The following EML6 variants were observed in gnomAD, a reference collection of about 807,000 sequenced individuals.
The protein encoded by EML6 is EMAP like 6.
A neutral mutation model predicts 240.1 loss-of-function variants in EML6; 154 were observed. That is an observed-to-expected ratio of 0.64 (90% CI 0.56 to 0.73). EML6 has a LOEUF of 0.73. EML6 is among the 30% of genes least tolerant of loss of function. EML6 has a pLI of 0.00. For synonymous variants in EML6, 1,148 were observed against 899.0 expected (o/e 1.28, Z -4.95); for missense variants, 2,964 against 2,474.6 (o/e 1.20, Z -4.20).
chr2:54,808,073 G>C (rs1409037846), intron 2 of EML6, among the ~76,000 whole-genome samples: 1 of 152,120 alleles, frequency 6.6e-6, no homozygotes, highest in East Asian at 1.9e-4. Context: ...GGGTTCTGTG[G>C]GGTTCACACA....
chr2:54,961,376 G>A (rs1475626828), intron 35 of EML6, among the ~76,000 whole-genome samples: 1 of 150,874 alleles, frequency 6.6e-6, no homozygotes, highest in Non-Finnish European at 1.5e-5. Flanking sequence ...AGTAGAGATG[G>A]GGTTTTCCCA....
At chr2:54,843,180 T>C (rs1669553330) in intron 7 of EML6, among the ~76,000 whole-genome samples, 2 of 152,224 alleles carry the variant, frequency 1.3e-5, no homozygotes, top group Admixed American at 1.3e-4. Flanking sequence ...TTTATCATCT[T>C]ATATTTACTT....
At chr2:54,928,243 A>C (rs1674660829) in intron 26 of EML6, 70 bp from the exon 27 acceptor site, 6 of 1,194,388 alleles carry the variant, frequency 5.0e-6, no homozygotes, top group Admixed American at 4.0e-5. Flanking sequence ...AGTAGAAACT[A>C]ACATGGATAA....
At chr2:54,938,518 T>A (rs1461631456) in intron 28 of EML6, among the ~76,000 whole-genome samples, 1 of 152,196 alleles carries the variant, frequency 6.6e-6, no homozygotes, top group Non-Finnish European at 1.5e-5. Flanking sequence ...ATTTTATACT[T>A]TTCTACCATC....
chr2:54,917,819 C>T (rs1022841837), intron 26 of EML6, among the ~76,000 whole-genome samples: 5 of 152,262 alleles, frequency 3.3e-5, no homozygotes, highest in Admixed American at 6.5e-5. Context: ...TTCCCATATT[C>T]GATGGCTTAC....
chr2:54,944,850 C>T (rs1396370279), intron 28 of EML6, among the ~76,000 whole-genome samples: 1 of 151,984 alleles, frequency 6.6e-6, no homozygotes, highest in East Asian at 1.9e-4. Context: ...GAGTCCAGTT[C>T]TGAAGAATGC....
Position 54,780,954 on chromosome 2 carries a change from G to T in EML6, c.198-32278G>T, listed in dbSNP as rs149264338. Among the ~76,000 whole-genome samples, 483 of 152,274 alleles carry T rather than the reference G, an allele frequency of 3.2e-3. 1 individual carries two copies. The highest frequency in any genetic ancestry group is 0.011 in the African/African-American group (454 of 41,558). On this transcript the variant is annotated intron_variant, in intron 2 of 41. Transcript: ENST00000356458. ...ATAATTCTTTGGGCGGTTAAGAAAG[G>T]AATTATTAGCTCTGGCATCCTTTAT...
intron 12 of EML6, among the ~76,000 whole-genome samples, chr2:54,862,361 A>AC (rs1670723267): frequency 6.6e-6 from 1 of 150,926 alleles, no homozygotes; most frequent in African/African-American, 2.4e-5. Flanking sequence ...AAAAAAAAAA[A>AC]AAAACTTTCT....
intron 14 of EML6, 67 bp from the exon 15 acceptor site, chr2:54,869,114 G>C: frequency 9.2e-7 from 1 of 1,084,736 alleles, no homozygotes; most frequent in Admixed American, 2.2e-5. Context: ...CCTTGCCTCT[G>C]ACACCTCCTG....
intron 2 of EML6, among the ~76,000 whole-genome samples, chr2:54,768,513 A>C (rs1244145428): frequency 6.6e-6 from 1 of 152,246 alleles, no homozygotes; most frequent in African/African-American, 2.4e-5. Flanking sequence ...GTTTATTTAC[A>C]TTCAATGGAT....
chr2:54,914,148 C>T (rs554360642), intron 25 of EML6, among the ~76,000 whole-genome samples: 8 of 152,240 alleles, frequency 5.3e-5, no homozygotes, highest in African/African-American at 1.9e-4. Context: ...TTTTTTGGCT[C>T]CATATGAATT....
chr2:54,903,563 A>C, intron 24 of EML6, 61 bp downstream of exon 24: 1 of 1,267,826 alleles, frequency 7.9e-7, no homozygotes, highest in Admixed American at 2.6e-5. Context: ...CCATTTATGC[A>C]TTGTTTCTAG....
chr2:54,885,330 C>G (rs1192524067), intron 17 of EML6, among the ~76,000 whole-genome samples: 1 of 151,806 alleles, frequency 6.6e-6, no homozygotes, highest in East Asian at 2.0e-4. Flanking sequence ...GCCTGTAATC[C>G]CACCTACTCA....
At chr2:54,764,868 T>C (rs1425858097) in intron 2 of EML6, among the ~76,000 whole-genome samples, 1 of 152,232 alleles carries the variant, frequency 6.6e-6, no homozygotes, top group Non-Finnish European at 1.5e-5. Flanking sequence ...AAACTGCTTA[T>C]GCCAAAATTT....
At chr2:54,871,777 T>C (rs1002396803) in intron 16 of EML6, among the ~76,000 whole-genome samples, 172 bp downstream of exon 16, 5 of 152,262 alleles carry the variant, frequency 3.3e-5, no homozygotes, top group Non-Finnish European at 7.3e-5. Context: ...CCCGCTCTTA[T>C]ACTGAGAATC....
intron 2 of EML6, among the ~76,000 whole-genome samples, chr2:54,776,583 G>A (rs1031679816): frequency 6.6e-6 from 1 of 151,664 alleles, no homozygotes; most frequent in Non-Finnish European, 1.5e-5. Context: ...TTTTTCTACT[G>A]TATTGTTGTT....
Position 54,774,467 on chromosome 2 carries a change from A to G in EML6, c.198-38765A>G, listed in dbSNP as rs902019342. ...GACAGACAGAGGCCTTCTGGCCAACAGCACTACCAGCAACATATCCTTCAT... is the reference window on the plus strand; with the variant it reads ...GACAGACAGAGGCCTTCTGGCCAACGGCACTACCAGCAACATATCCTTCAT... On this transcript the variant is annotated intron_variant, in intron 2 of 41. Coordinates refer to ENST00000356458, the MANE Select transcript of EML6 (RefSeq NM_001039753.4). This position sits in a 1 kb window ranked among gnomAD's most constrained non-coding sequence, Gnocchi z 4.1. 6.6e-6 allele frequency among the ~76,000 whole-genome samples: 1 copy of G among 152,162 alleles called. No homozygotes were observed. The highest frequency in any genetic ancestry group is 1.5e-5 in the Non-Finnish European group (1 of 68,044).
In EML6 at chr2:54,843,566, T is replaced by C. The variant is rs767103037; in HGVS notation, c.848-481T>C. 8.6e-5 allele frequency among the ~76,000 whole-genome samples: 13 copies of C among 152,014 alleles called. No individual in the cohort carries two copies. The South Asian group carries it at 1.0e-3, about 12-fold the overall frequency. On this transcript the variant is annotated intron_variant, in intron 7 of 41. Coordinates refer to ENST00000356458, the MANE Select transcript of EML6 (RefSeq NM_001039753.4). ...TGTAAGAAAATAACACAGAATGGGCTGGGCGTGGTGGCTCATGCCTGTAAA... is the reference window on the plus strand; with the variant it reads ...TGTAAGAAAATAACACAGAATGGGCCGGGCGTGGTGGCTCATGCCTGTAAA...
At chr2:54,966,039 C>T (rs1374529880) in intron 38 of EML6, among the ~76,000 whole-genome samples, 1 of 152,244 alleles carries the variant, frequency 6.6e-6, no homozygotes, top group South Asian at 2.1e-4. Context: ...TAAGTTAGAT[C>T]TCTTTCACTG....
Sources: gnomAD v4.1 joint callset for allele counts (sites outside exome capture counted in the v4.1 genomes callset) on GRCh38, gnomAD v4.1.1 for gene constraint, Gnocchi (gnomAD v3.1) non-coding constraint, MANE v1.5 for transcripts, NCBI Gene and HGNC (gene_info 2026-07-23, HGNC 2026-07-21) for gene names.